Variants in U2SURP observed in about 807,000 individuals in gnomAD.
U2SURP encodes U2 snRNP-associated SURP motif-containing protein.
A neutral mutation model predicts 144.9 loss-of-function variants in U2SURP; 9 were observed. The observed-to-expected ratio is 0.06, with a 90% CI of 0.04 to 0.11. The LOEUF (loss-of-function observed/expected upper bound fraction) is 0.11, where lower values mean the gene tolerates loss of function less well. Ranked by LOEUF, U2SURP falls within the 10% of genes least tolerant of loss-of-function variation. The pLI is 1.00. For missense variants in U2SURP, 724 were observed against 1,226.7 expected, an observed-to-expected ratio of 0.59 and a Z score of 6.12; for synonymous variants, 408 against 396.8, an observed-to-expected ratio of 1.03 and a Z score of -0.33.
At chr3:143,017,178 T>C (rs903350250) in intron 6 of U2SURP, 1 of 420,116 alleles carries the variant, frequency 2.4e-6, no homozygotes, top group South Asian at 9.5e-5. Flanking sequence ...CTTTTTATGC[T>C]TTTTGAGCAG....
chr3:143,015,247 T>C (rs1936308154), intron 4 of U2SURP, among the ~76,000 whole-genome samples: 1 of 152,170 alleles, frequency 6.6e-6, no homozygotes, highest in African/African-American at 2.4e-5. Flanking sequence ...TGTTTGTTTC[T>C]GTGAACTGTC....
At chr3:143,020,492 TA>T in intron 7 of U2SURP, 106 bp from the exon 8 acceptor site, 1 of 764,314 alleles carries the variant, frequency 1.3e-6, no homozygotes, top group African/African-American at 1.7e-5. Flanking sequence ...AGTATTTAAT[TA>T]CAGATATTTC....
At chr3:143,012,115 C>A in intron 2 of U2SURP, 107 bp from the exon 3 acceptor site, 1 of 1,359,332 alleles carries the variant, frequency 7.4e-7, no homozygotes, top group Non-Finnish European at 1.0e-6. Context: ...TTTTGATAAT[C>A]TACAATGAAA....
chr3:143,003,533 C>G (rs902609738), intron 1 of U2SURP, among the ~76,000 whole-genome samples: 1 of 152,122 alleles, frequency 6.6e-6, no homozygotes, highest in African/African-American at 2.4e-5. Context: ...ATCTTAATTT[C>G]TTTCCCCTCT....
chr3:143,053,453 C>T (rs1410339282), intron 25 of U2SURP, among the ~76,000 whole-genome samples: 1 of 151,786 alleles, frequency 6.6e-6, no homozygotes, highest in African/African-American at 2.4e-5. Context: ...GGTAAGCACT[C>T]AGTAAATGTA....
At chr3:143,018,136 C>G (rs1936462333) in intron 6 of U2SURP, among the ~76,000 whole-genome samples, 1 of 152,074 alleles carries the variant, frequency 6.6e-6, no homozygotes, top group Admixed American at 6.6e-5. Context: ...AATCACCACT[C>G]TAATTTCAGA....
intron 1 of U2SURP, among the ~76,000 whole-genome samples, chr3:143,003,677 CTTTTTTTT>C (rs60505715): frequency 0.081 from 8,274 of 101,790 alleles, 543 homozygotes; most frequent in African/African-American, 0.26. Context: ...TATTTTATTT[CTTTTTTTT>C]TTTTTTTTTT....
In U2SURP at chr3:143,010,787, T is replaced by C. The variant is rs779435519; in HGVS notation, c.46-28T>C. On this transcript the variant is annotated intron_variant, in intron 1 of 27. Coordinates refer to ENST00000473835, the MANE Select transcript of U2SURP (RefSeq NM_001080415.2). ...TTTGTTAGTATAAGACATTTTAAAT[T>C]ATTGACTTTTATTTTTGATACTTGT... 6 of 1,575,874 alleles carry C rather than the reference T, an allele frequency of 3.8e-6. No homozygotes were observed. In the East Asian group the frequency reaches 1.1e-4, roughly 30 times the overall value.
intron 4 of U2SURP, 84 bp from the exon 5 acceptor site, chr3:143,016,173 C>A: frequency 8.3e-7 from 1 of 1,206,978 alleles, no homozygotes; most frequent in South Asian, 1.3e-5. Flanking sequence ...GGGTTTTCGT[C>A]CATATTATTC....
intron 13 of U2SURP, among the ~76,000 whole-genome samples, chr3:143,024,718 A>G (rs1265221473): frequency 2.0e-5 from 3 of 152,220 alleles, no homozygotes; most frequent in Non-Finnish European, 2.9e-5. Flanking sequence ...AAGAATACCA[A>G]ATTCTCTTTG....
In U2SURP at chr3:143,057,494, G is replaced by A. The variant is rs1463932717; in HGVS notation, c.*1044G>A. 6.6e-6 allele frequency: 1 copy of A among 152,004 alleles called. No homozygotes were observed. The highest frequency in any genetic ancestry group is 2.4e-5 in the African/African-American group (1 of 41,312). 9.4% of individuals were successfully genotyped at this position (152,004 alleles called of 1,614,324 possible). On this transcript the variant is annotated 3_prime_UTR_variant, in exon 28 of 28. Transcript: ENST00000473835. ...CAGGAAACTTCGTATCTAATGGTTT[G>A]TAAATTCAAGGTGCAAAAAGTTGAT... is the stretch of plus-strand genomic sequence containing the variant.
At position 143,043,926 on chromosome 3, in the gene U2SURP, A is replaced by G. The variant is rs538595710; in HGVS notation, c.2544+650A>G. Among the ~76,000 whole-genome samples, 16 of 150,428 alleles carry G rather than the reference A, an allele frequency of 1.1e-4. No individual in the cohort carries two copies. In the South Asian group the frequency reaches 1.9e-3, roughly 18 times the overall value. On this transcript the variant is annotated intron_variant, in intron 24 of 27. Transcript: ENST00000473835. ...CACCATGCCCGGCTCATTTTTTTGT[A>G]TTTTTTTTAGAAGAGACAGGGATTG... is the stretch of plus-strand genomic sequence containing the variant.
chr3:143,014,837 T>A (rs1446951651), intron 4 of U2SURP, among the ~76,000 whole-genome samples: 1 of 151,978 alleles, frequency 6.6e-6, no homozygotes, highest in Non-Finnish European at 1.5e-5. Context: ...ATGCAATCAT[T>A]TATTCAACTA....
intron 6 of U2SURP, among the ~76,000 whole-genome samples, chr3:143,019,295 G>C (rs1237335272): frequency 6.6e-6 from 1 of 152,034 alleles, no homozygotes. Context: ...CAATTTATCA[G>C]TTTTTTTCTT....
At position 143,022,681 on chromosome 3, in the gene U2SURP, T is replaced by C. The variant is rs1272188095; in HGVS notation, c.1018+19T>C. 58 of 1,601,502 alleles carry C rather than the reference T, an allele frequency of 3.6e-5. No individual in the cohort carries two copies. Among genetic ancestry groups the C allele is most frequent in the Non-Finnish European group, 4.9e-5 (58 of 1,173,712 alleles). On this transcript the variant is annotated intron_variant, in intron 11 of 27. Transcript: ENST00000473835. ...TTGAATGGTAAGAACATTTTTATTA[T>C]CCATTTATACAATTCAGATATTTCT... is the stretch of plus-strand genomic sequence containing the variant.
rs1042373080 is a variant in U2SURP at position 143,057,234 on chromosome 3, CTTCTA to C, written c.*787_*791del. 6 of 152,364 alleles carry C rather than the reference CTTCTA, an allele frequency of 3.9e-5. No individual in the cohort carries two copies. The highest frequency in any genetic ancestry group is 7.4e-5 in the Non-Finnish European group (5 of 67,874). 9.4% of individuals were successfully genotyped at this position (152,364 alleles called of 1,614,324 possible). A position where few individuals can be genotyped will look rare whatever the true frequency, so the allele number is the denominator to read the frequency against. On this transcript the variant is annotated 3_prime_UTR_variant, in exon 28 of 28. Transcript: ENST00000473835. The stretch of plus-strand genomic sequence containing the variant: ...GAAATTAAATATCTTTTCATTTCCT[CTTCTA>C]TTATGAAAGAAGTTTATTTGTAAAA...
intron 13 of U2SURP, among the ~76,000 whole-genome samples, chr3:143,024,894 T>C (rs1051909024): frequency 2.0e-5 from 3 of 151,890 alleles, no homozygotes; most frequent in Admixed American, 2.0e-4. Flanking sequence ...TTTTTGTTTT[T>C]GTTTTTTTTT....
intron 4 of U2SURP, among the ~76,000 whole-genome samples, chr3:143,014,905 T>C (rs1178003293): frequency 6.6e-6 from 1 of 152,126 alleles, no homozygotes; most frequent in East Asian, 1.9e-4. Context: ...AATGCTGTTA[T>C]GGATAATGTT....
chr3:143,029,254 A>C (rs959134393), intron 16 of U2SURP, among the ~76,000 whole-genome samples: 6 of 152,210 alleles, frequency 3.9e-5, no homozygotes, highest in African/African-American at 1.4e-4. Flanking sequence ...GTACAGACAT[A>C]CTTAGTTTTA....
Sources: allele counts gnomAD v4.1 joint callset (sites outside exome capture counted in the v4.1 genomes callset), GRCh38; gene constraint gnomAD v4.1.1; transcripts MANE v1.5; gene names NCBI Gene and HGNC (gene_info 2026-07-23, HGNC 2026-07-21).